ZNF804B: variants seen among roughly 807,000 people sequenced by gnomAD.
The protein encoded by ZNF804B is zinc finger 804B.
A neutral mutation model predicts 101.4 loss-of-function variants in ZNF804B; 80 were observed. That is an observed-to-expected ratio of 0.79 (90% CI 0.66 to 0.95). ZNF804B has a LOEUF of 0.95. Ranked by LOEUF, ZNF804B falls within the 40% of genes least tolerant of loss-of-function variation. The probability of loss-of-function intolerance (pLI) is 0.00; values close to 1 mark genes in which losing one functional copy is unlikely to be tolerated. For synonymous variants in ZNF804B, 622 were observed against 558.8 expected (o/e 1.11, Z -1.59); for missense variants, 1,673 against 1,561.9 (o/e 1.07, Z -1.20).
chr7:88,829,405 G>C (rs1791098665), intron 1 of ZNF804B, among the ~76,000 whole-genome samples: 1 of 151,908 alleles, frequency 6.6e-6, no homozygotes, highest in South Asian at 2.1e-4. Context: ...CTTCTTGGTG[G>C]GATATCCCTT....
At chr7:88,788,977 A>C (rs544652735) in intron 1 of ZNF804B, among the ~76,000 whole-genome samples, 1 of 152,270 alleles carries the variant, frequency 6.6e-6, no homozygotes, top group East Asian at 1.9e-4. Flanking sequence ...ATATCTACTT[A>C]TGCTTAAATA....
At position 89,334,458 on chromosome 7, in the gene ZNF804B, C is replaced by A. The variant is rs1246414163; in HGVS notation, c.1476C>A (p.His492Gln). Residue 492 changes from histidine to glutamine, a missense_variant, in exon 4 of 4, where the codon CAC (histidine) becomes CAA (glutamine). His to Gln is a conservative substitution (Grantham distance 24). Transcript: ENST00000333190. ...FKLSRNTKED[H>Q]NLEDLKTELG... ...TTTCTCGGAACACAAAGGAAGACCACAATCTAGAGGACTTAAAAACAGAAT... is the reference window on the plus strand; with the variant it reads ...TTTCTCGGAACACAAAGGAAGACCAAAATCTAGAGGACTTAAAAACAGAAT... The A allele has an allele frequency of 1.2e-6, 2 of 1,613,562 alleles. No homozygotes were observed. Among genetic ancestry groups the A allele is most frequent in the African/African-American group, 1.3e-5 (1 of 74,842 alleles).
chr7:89,092,755 A>T (rs937368248), intron 1 of ZNF804B, among the ~76,000 whole-genome samples: 1 of 152,068 alleles, frequency 6.6e-6, no homozygotes, highest in African/African-American at 2.4e-5. Context: ...AGCTCCTTTG[A>T]CATATTCCCA....
chr7:89,331,715 A>C (rs944417136), intron 3 of ZNF804B, among the ~76,000 whole-genome samples: 1 of 151,660 alleles, frequency 6.6e-6, no homozygotes, highest in Admixed American at 6.6e-5. Context: ...TGTAAAAAAA[A>C]CTGAGTCAGT....
chr7:89,310,809 C>T (rs1017788247), intron 2 of ZNF804B, among the ~76,000 whole-genome samples: 2 of 152,110 alleles, frequency 1.3e-5, no homozygotes, highest in African/African-American at 4.8e-5. Context: ...AGGTCAAGTC[C>T]TTTTTATGAA....
intron 1 of ZNF804B, among the ~76,000 whole-genome samples, chr7:89,139,734 C>A (rs1176189486): frequency 1.3e-5 from 2 of 152,100 alleles, no homozygotes; most frequent in Non-Finnish European, 2.9e-5. Context: ...AGTTCTAATT[C>A]TCTTGCTGTG....
chr7:88,964,551 T>G (rs1183675461), intron 1 of ZNF804B, among the ~76,000 whole-genome samples: 3 of 151,500 alleles, frequency 2.0e-5, no homozygotes, highest in African/African-American at 7.3e-5. Context: ...TATTGTTTTA[T>G]GCATACAGAG....
chr7:89,274,161 T>TATTTTTA (rs1554387675), intron 2 of ZNF804B, among the ~76,000 whole-genome samples: 1 of 138,060 alleles, frequency 7.2e-6, no homozygotes, highest in African/African-American at 2.6e-5. Flanking sequence ...TATTTTCTTT[T>TATTTTTA]TCTTTTTTTT....
rs898863283 is a variant in ZNF804B at position 89,095,207 on chromosome 7, C to CT, written c.109-122942dup. On this transcript the variant is annotated intron_variant, in intron 1 of 3. Coordinates refer to ENST00000333190, the MANE Select transcript of ZNF804B (RefSeq NM_181646.5). Reference sequence around the variant, plus strand: ...AAGGGATTTGATGGAGAGGCTTTGTCTTTTTTGCCCATTCCACCGTGTGAG... The same window carrying CT: ...AAGGGATTTGATGGAGAGGCTTTGTCTTTTTTTGCCCATTCCACCGTGTGAG... Among the ~76,000 whole-genome samples, 10 of 152,110 alleles carry CT rather than the reference C, an allele frequency of 6.6e-5. No homozygotes were observed. The East Asian group carries it at 1.7e-3, about 27-fold the overall frequency.
At chr7:88,871,523 C>CTAATAAGAGAA (rs1168774972) in intron 1 of ZNF804B, among the ~76,000 whole-genome samples, 4 of 151,670 alleles carry the variant, frequency 2.6e-5, no homozygotes, top group African/African-American at 9.7e-5. Context: ...AAAATATATA[C>CTAATAAGAGAA]TAATAAGAGA....
chr7:88,947,507 G>T (rs1271022334), intron 1 of ZNF804B, among the ~76,000 whole-genome samples: 1 of 151,574 alleles, frequency 6.6e-6, no homozygotes, highest in Non-Finnish European at 1.5e-5. Context: ...AAACACCAGG[G>T]CCTGTCAGGT....
At chr7:88,857,703 A>G (rs922771993) in intron 1 of ZNF804B, among the ~76,000 whole-genome samples, 2 of 152,084 alleles carry the variant, frequency 1.3e-5, no homozygotes, top group Admixed American at 1.3e-4. Flanking sequence ...AGCTGGTACC[A>G]TAACTGCTGA....
intron 1 of ZNF804B, among the ~76,000 whole-genome samples, chr7:88,785,783 T>A (rs1229284511): frequency 6.6e-6 from 1 of 152,072 alleles, no homozygotes; most frequent in African/African-American, 2.4e-5. Flanking sequence ...TATAGATAAG[T>A]ACATAAAATC....
At chr7:88,963,244 C>T (rs867218233) in intron 1 of ZNF804B, among the ~76,000 whole-genome samples, 10 of 151,272 alleles carry the variant, frequency 6.6e-5, no homozygotes, top group Admixed American at 2.0e-4. Context: ...AGTTGAGAGA[C>T]TCATACTTCC....
intron 2 of ZNF804B, among the ~76,000 whole-genome samples, chr7:89,305,817 T>C (rs999175355): frequency 2.6e-5 from 4 of 151,998 alleles, no homozygotes; most frequent in Non-Finnish European, 5.9e-5. Flanking sequence ...GAAGATCCAA[T>C]GACATTTATT....
intron 2 of ZNF804B, among the ~76,000 whole-genome samples, chr7:89,221,051 T>C (rs1788997140): frequency 6.6e-6 from 1 of 151,978 alleles, no homozygotes; most frequent in Admixed American, 6.6e-5. Flanking sequence ...TAATGTCTGG[T>C]TGTCTCTCTT....
At chr7:89,067,328 G>C (rs148081280) in intron 1 of ZNF804B, among the ~76,000 whole-genome samples, 18 of 152,236 alleles carry the variant, frequency 1.2e-4, no homozygotes, top group African/African-American at 3.9e-4. Flanking sequence ...CCAGGCCTTC[G>C]TAGGGCTTAC....
intron 1 of ZNF804B, among the ~76,000 whole-genome samples, chr7:89,064,079 C>T (rs568036337): frequency 6.6e-6 from 1 of 152,156 alleles, no homozygotes; most frequent in African/African-American, 2.4e-5. Context: ...AGAGAAGGAG[C>T]TGAAGCAGGA....
chr7:89,156,977 G>A (rs968548794), intron 1 of ZNF804B, among the ~76,000 whole-genome samples: 6 of 152,072 alleles, frequency 3.9e-5, no homozygotes, highest in Non-Finnish European at 5.9e-5. Context: ...TACCCTTTTC[G>A]CTTATCTCTT....
Sources: gnomAD v4.1 joint callset for allele counts (sites outside exome capture counted in the v4.1 genomes callset) on GRCh38, gnomAD v4.1.1 for gene constraint, MANE v1.5 for transcripts, NCBI Gene and HGNC (gene_info 2026-07-23, HGNC 2026-07-21) for gene names.